Variants in MYT1L observed in about 807,000 individuals in gnomAD.
MYT1L encodes the protein myelin transcription factor 1 like, also known as myelin transcription factor 1-like protein.
MYT1L carries 12 observed loss-of-function variants against 126.7 expected under a neutral mutation model. That is an observed-to-expected ratio of 0.09 (90% CI 0.06 to 0.15). MYT1L has a LOEUF of 0.15. MYT1L is among the 10% of genes least tolerant of loss of function. The pLI is 1.00. For missense variants in MYT1L, 979 were observed against 1,585.2 expected, an observed-to-expected ratio of 0.62 and a Z score of 6.49; for synonymous variants, 541 against 604.2, an observed-to-expected ratio of 0.90 and a Z score of 1.53.
chr2:2,227,561 C>T (rs1341228316), intron 2 of MYT1L, among the ~76,000 whole-genome samples: 1 of 152,214 alleles, frequency 6.6e-6, no homozygotes, highest in Non-Finnish European at 1.5e-5. Flanking sequence ...ACACCCAGCC[C>T]TGCACTGCTC....
intron 5 of MYT1L, among the ~76,000 whole-genome samples, chr2:1,988,284 T>C (rs2149544229): frequency 6.6e-6 from 1 of 152,332 alleles, no homozygotes; most frequent in African/African-American, 2.4e-5. Context: ...CTCCCATTCC[T>C]GCGGAGCGCC....
chr2:2,021,523 A>G (rs1337257308), intron 4 of MYT1L, among the ~76,000 whole-genome samples: 2 of 152,140 alleles, frequency 1.3e-5, no homozygotes, highest in African/African-American at 4.8e-5. Flanking sequence ...CATGGGTCAT[A>G]TTTTCACTTA....
intron 3 of MYT1L, among the ~76,000 whole-genome samples, chr2:2,149,859 T>A (rs548799807): frequency 8.5e-4 from 130 of 152,220 alleles, no homozygotes; most frequent in Non-Finnish European, 1.7e-3. Context: ...TTTCCAAAAC[T>A]CAACTGCCTT....
chr2:2,139,893 T>A (rs1030389427), intron 3 of MYT1L, among the ~76,000 whole-genome samples: 6 of 152,206 alleles, frequency 3.9e-5, no homozygotes, highest in Non-Finnish European at 7.3e-5. Context: ...TCCTCAGGTA[T>A]GTTGGTTTAT....
chr2:1,933,589 G>C (rs539390570), intron 9 of MYT1L, among the ~76,000 whole-genome samples: 1 of 152,364 alleles, frequency 6.6e-6, no homozygotes, highest in African/African-American at 2.4e-5. Context: ...TCCAAAGACT[G>C]GAACAGATCA....
In MYT1L at chr2:2,172,981, T is replaced by C. The variant is rs1219450845; in HGVS notation, c.-413A>G. 1 of 152,238 alleles carries C rather than the reference T, an allele frequency of 6.6e-6. No homozygotes were observed. Among genetic ancestry groups the C allele is most frequent in the African/African-American group, 2.4e-5 (1 of 41,462 alleles). The allele number at this position is 152,238 out of a possible 1,614,324, so 9.4% of individuals were successfully genotyped here. A position where few individuals can be genotyped will look rare whatever the true frequency, so the allele number is the denominator to read the frequency against. On this transcript the variant is annotated 5_prime_UTR_variant, in exon 3 of 25. Coordinates refer to ENST00000647738, the MANE Select transcript of MYT1L (RefSeq NM_001303052.2). Reference sequence around the variant, plus strand: ...AGGAATTCACCAATTCTCCTCTGAGTTCATTTTCTAAAGGATAGAGCGACA... The same window carrying C: ...AGGAATTCACCAATTCTCCTCTGAGCTCATTTTCTAAAGGATAGAGCGACA...
At chr2:2,309,793 C>A (rs2149591597) in intron 1 of MYT1L, among the ~76,000 whole-genome samples, 1 of 151,772 alleles carries the variant, frequency 6.6e-6, no homozygotes, top group South Asian at 2.1e-4. Context: ...TTAGTATACC[C>A]TATCTATGCT....
At position 2,216,745 on chromosome 2, in the gene MYT1L, C is replaced by G. The variant is rs556909219; in HGVS notation, c.-420-43757G>C. On this transcript the variant is annotated intron_variant, in intron 2 of 24. Transcript: ENST00000647738. ...TCATATGTTTGTTCTTTAAGAAGGTCAATCAGAGTGGGAAATCCCTGGTCA... is the reference window on the plus strand; with the variant it reads ...TCATATGTTTGTTCTTTAAGAAGGTGAATCAGAGTGGGAAATCCCTGGTCA... Among the ~76,000 whole-genome samples, 4 of 151,862 alleles carry G rather than the reference C, an allele frequency of 2.6e-5. No individual in the cohort carries two copies. In the East Asian group the frequency reaches 7.7e-4, roughly 29 times the overall value.
At chr2:2,019,595 C>T (rs563043379) in intron 4 of MYT1L, among the ~76,000 whole-genome samples, 1 of 152,330 alleles carries the variant, frequency 6.6e-6, no homozygotes, top group Non-Finnish European at 1.5e-5. Flanking sequence ...ATGGATAACA[C>T]TCAAGTTCCT....
intron 18 of MYT1L, among the ~76,000 whole-genome samples, chr2:1,856,858 C>G (rs2043980180): frequency 6.6e-6 from 1 of 152,226 alleles, no homozygotes; most frequent in Non-Finnish European, 1.5e-5. Context: ...TGTTAGAAAA[C>G]AAGGCAGAGA....
chr2:1,907,554 G>A (rs2051253859), intron 13 of MYT1L, among the ~76,000 whole-genome samples: 1 of 152,196 alleles, frequency 6.6e-6, no homozygotes, highest in Non-Finnish European at 1.5e-5. Flanking sequence ...GGAGGTAGGA[G>A]GGGAGGAGAG....
chr2:2,055,446 T>C (rs1336480162), intron 3 of MYT1L, among the ~76,000 whole-genome samples: 1 of 152,226 alleles, frequency 6.6e-6, no homozygotes, highest in African/African-American at 2.4e-5. Context: ...AACATCCAAA[T>C]AGTGTTTAAA....
chr2:2,135,423 T>A (rs2082924760), intron 3 of MYT1L, among the ~76,000 whole-genome samples: 1 of 152,248 alleles, frequency 6.6e-6, no homozygotes, highest in East Asian at 1.9e-4. Context: ...ATTAAACCTC[T>A]TTCCTTTATA....
intron 4 of MYT1L, among the ~76,000 whole-genome samples, chr2:2,042,008 G>C (rs1038573400): frequency 6.6e-6 from 1 of 152,162 alleles, no homozygotes; most frequent in African/African-American, 2.4e-5. Flanking sequence ...GTAGAGTTTT[G>C]TTTTCAAGAC....
At chr2:2,086,990 C>T (rs535213456) in intron 3 of MYT1L, among the ~76,000 whole-genome samples, 1 of 152,284 alleles carries the variant, frequency 6.6e-6, no homozygotes, top group South Asian at 2.1e-4. Context: ...ACAGCATTGT[C>T]TTAGGAGAAA....
At chr2:2,289,684 T>C (rs2095570999) in intron 1 of MYT1L, among the ~76,000 whole-genome samples, 1 of 152,194 alleles carries the variant, frequency 6.6e-6, no homozygotes, top group African/African-American at 2.4e-5. Flanking sequence ...ACCCATGGAA[T>C]AAAAACAGGC....
intron 2 of MYT1L, among the ~76,000 whole-genome samples, chr2:2,252,920 G>A (rs891485472): frequency 2.6e-5 from 4 of 152,116 alleles, no homozygotes; most frequent in African/African-American, 4.8e-5. Context: ...CCTTTTTAGG[G>A]CATGTATCCT....
At chr2:1,849,988 C>T (rs1354302930) in intron 19 of MYT1L, among the ~76,000 whole-genome samples, 2 of 148,696 alleles carry the variant, frequency 1.3e-5, no homozygotes, top group Non-Finnish European at 3.0e-5. Flanking sequence ...AGGTTTCACT[C>T]AGCTACTCTG....
chr2:2,295,571 G>GAGAGAGAGACAGACAGAC (rs2095662429), intron 1 of MYT1L, among the ~76,000 whole-genome samples: 1 of 136,646 alleles, frequency 7.3e-6, no homozygotes, highest in Non-Finnish European at 1.6e-5. Context: ...CAGACAGAGA[G>GAGAGAGAGACAGACAGAC]AGAGAGAGAG....
Sources: gnomAD v4.1 joint callset for allele counts (sites outside exome capture counted in the v4.1 genomes callset) on GRCh38, gnomAD v4.1.1 for gene constraint, MANE v1.5 for transcripts, NCBI Gene and HGNC (gene_info 2026-07-23, HGNC 2026-07-21) for gene names.